Variants in DAB1 observed in about 807,000 individuals in gnomAD.
DAB1 encodes the protein DAB adaptor protein 1.
In DAB1, 15 loss-of-function variants were observed where a neutral mutation model predicts 64.6. The observed-to-expected ratio is 0.23, with a 90% CI of 0.16 to 0.36. DAB1 has a LOEUF of 0.36. Among genes scored for constraint, DAB1 ranks in the 10% least tolerant of loss-of-function variants. DAB1 has a pLI of 1.00. For missense variants in DAB1, 596 were observed against 706.7 expected, an observed-to-expected ratio of 0.84 and a Z score of 1.78; for synonymous variants, 235 against 251.9, an observed-to-expected ratio of 0.93 and a Z score of 0.64.
At chr1:57,767,896 G>A (rs1226156891) in intron 6 of DAB1, among the ~76,000 whole-genome samples, 1 of 151,912 alleles carries the variant, frequency 6.6e-6, no homozygotes, top group East Asian at 1.9e-4. Context: ...TGAGGTGCTG[G>A]CCGGGGGTGG....
chr1:57,754,160 T>A (rs1197660231), intron 6 of DAB1, among the ~76,000 whole-genome samples: 1 of 152,172 alleles, frequency 6.6e-6, no homozygotes, highest in Non-Finnish European at 1.5e-5. Flanking sequence ...GCCACAGCTC[T>A]GTTTTATGCT....
intron 5 of DAB1, among the ~76,000 whole-genome samples, chr1:57,966,935 C>A (rs548357281): frequency 8.5e-4 from 130 of 152,248 alleles, no homozygotes; most frequent in African/African-American, 3.1e-3. Flanking sequence ...GAACATGGTA[C>A]CTGTAGTTTA....
intron 1 of DAB1, chr1:57,387,416 T>C (rs976248207): frequency 2.0e-5 from 3 of 152,234 alleles, no homozygotes; most frequent in Non-Finnish European, 4.4e-5. Flanking sequence ...ACTTCGTATC[T>C]TTTGCATTTA....
At chr1:57,674,396 C>G (rs79922219) in intron 6 of DAB1, among the ~76,000 whole-genome samples, 23,829 of 152,214 alleles carry the variant, frequency 0.16, 2,213 homozygotes, top group Admixed American at 0.25. Flanking sequence ...CTGGAAGACT[C>G]TTTTTCCCCA....
intron 8 of DAB1, among the ~76,000 whole-genome samples, chr1:57,068,472 T>C (rs181063258): frequency 6.6e-6 from 1 of 152,352 alleles, no homozygotes; most frequent in Non-Finnish European, 1.5e-5. Context: ...TGAAAATATG[T>C]TTTACTTTTA....
At chr1:57,320,427 ACTT>A (rs1194906355) in intron 1 of DAB1, among the ~76,000 whole-genome samples, 1 of 152,162 alleles carries the variant, frequency 6.6e-6, no homozygotes, top group Non-Finnish European at 1.5e-5. Flanking sequence ...ATGCACACTA[ACTT>A]CTTGAATTTT....
intron 7 of DAB1, among the ~76,000 whole-genome samples, chr1:57,524,575 C>A (rs1002371596): frequency 1.3e-5 from 2 of 152,026 alleles, no homozygotes; most frequent in African/African-American, 4.8e-5. Flanking sequence ...GTTTTGTGGG[C>A]AGGGTTGGAT....
At chr1:57,042,911 C>A (rs1647977753) in intron 9 of DAB1, among the ~76,000 whole-genome samples, 1 of 151,854 alleles carries the variant, frequency 6.6e-6, no homozygotes, top group Non-Finnish European at 1.5e-5. Context: ...ATTAGGAACT[C>A]CAGAAAAAAG....
At chr1:58,157,827 T>C (rs1655301019) in intron 4 of DAB1, among the ~76,000 whole-genome samples, 1 of 152,166 alleles carries the variant, frequency 6.6e-6, no homozygotes, top group South Asian at 2.1e-4. Flanking sequence ...ATACTGCTAA[T>C]GAACAACTCT....
intron 5 of DAB1, among the ~76,000 whole-genome samples, chr1:58,000,667 T>C (rs948478397): frequency 6.7e-6 from 1 of 148,876 alleles, no homozygotes; most frequent in Non-Finnish European, 1.5e-5. Context: ...ACCTCATGGG[T>C]TCAAGTGATT....
rs1288501616 is a variant in DAB1, at chr1:57,815,066, TTTTGTTTG to T, written n.551+68925_551+68932del. 3.3e-5 allele frequency among the ~76,000 whole-genome samples: 5 copies of T among 152,088 alleles called. No individual in the cohort carries two copies. In the East Asian group the frequency reaches 9.6e-4, roughly 29 times the overall value. On this transcript the variant is annotated intron_variant and non_coding_transcript_variant, in intron 6 of 20. Coordinates refer to the DAB1 transcript ENST00000485760. ...TTTCTTTTTTTCTTCTTTTTGTTTT[TTTTGTTTG>T]TTTGTTTGTTTTTTTGAGACAGAGT... is the stretch of plus-strand genomic sequence containing the variant.
chr1:57,345,401 A>C (rs1677996444), intron 1 of DAB1, among the ~76,000 whole-genome samples: 1 of 152,206 alleles, frequency 6.6e-6, no homozygotes, highest in African/African-American at 2.4e-5. Context: ...AAACAGACAT[A>C]AGGATGGTCA....
At chr1:58,343,156 C>T (rs1332085037) in intron 4 of DAB1, among the ~76,000 whole-genome samples, 1 of 152,100 alleles carries the variant, frequency 6.6e-6, no homozygotes, top group Admixed American at 6.6e-5. Context: ...GGGTGACAGT[C>T]CATGGTTCTG....
At chr1:57,572,543 TAA>T (rs1645205050) in intron 7 of DAB1, among the ~76,000 whole-genome samples, 1 of 152,208 alleles carries the variant, frequency 6.6e-6, no homozygotes, top group African/African-American at 2.4e-5. Flanking sequence ...AACATGAGGA[TAA>T]GAGTGTTAGC....
chr1:58,327,811 T>C (rs1231195460), intron 4 of DAB1, among the ~76,000 whole-genome samples: 1 of 152,116 alleles, frequency 6.6e-6, no homozygotes, highest in Non-Finnish European at 1.5e-5. Context: ...ATACAAAAAT[T>C]AGCCGGGCAT....
intron 2 of DAB1, among the ~76,000 whole-genome samples, chr1:57,196,065 T>A (rs1201333567): frequency 1.3e-5 from 2 of 150,420 alleles, no homozygotes; most frequent in East Asian, 4.0e-4. Flanking sequence ...GGTGGGAGAG[T>A]GGGATGAAGA....
intron 3 of DAB1, among the ~76,000 whole-genome samples, chr1:58,365,687 C>T (rs963885555): frequency 1.3e-5 from 2 of 152,178 alleles, no homozygotes; most frequent in Non-Finnish European, 2.9e-5. Flanking sequence ...TCAACATCAA[C>T]TTATAGAAAA....
chr1:58,397,543 G>A (rs1442739497), intron 3 of DAB1, among the ~76,000 whole-genome samples: 2 of 152,110 alleles, frequency 1.3e-5, no homozygotes, highest in South Asian at 2.1e-4. Context: ...TGAAGGCCAC[G>A]CCTCCACATC....
chr1:57,059,205 CA>C (rs1650136537), intron 9 of DAB1, among the ~76,000 whole-genome samples: 1 of 152,136 alleles, frequency 6.6e-6, no homozygotes, highest in Admixed American at 6.5e-5. Context: ...ATCCTCCAAA[CA>C]AAGCAAAGGT....
Sources: gnomAD v4.1 joint callset for allele counts (sites outside exome capture counted in the v4.1 genomes callset) on GRCh38, gnomAD v4.1.1 for gene constraint, MANE v1.5 for transcripts, NCBI Gene and HGNC (gene_info 2026-07-23, HGNC 2026-07-21) for gene names.